NISCH: variants seen among roughly 807,000 people sequenced by gnomAD.
NISCH encodes I-1 receptor candidate protein.
Under a neutral mutation model 138.4 loss-of-function variants are expected in NISCH, and 55 were observed. The ratio of observed to expected loss-of-function variants is 0.40; its 90% CI spans 0.32 to 0.50. The LOEUF (loss-of-function observed/expected upper bound fraction) is 0.50, where lower values mean the gene tolerates loss of function less well. Among genes scored for constraint, NISCH ranks in the 20% least tolerant of loss-of-function variants. The pLI is 0.71. For synonymous variants in NISCH, 860 were observed against 861.5 expected (o/e 1.00, Z 0.03); for missense variants, 1,643 against 2,005.5 (o/e 0.82, Z 3.45).
intron 6 of NISCH, 88 bp from the exon 7 acceptor site, chr3:52,473,646 T>G: frequency 1.1e-6 from 1 of 878,246 alleles, no homozygotes; most frequent in Non-Finnish European, 1.8e-6. Flanking sequence ...TCATTGTGCT[T>G]TTGTATGGGG....
chr3:52,456,482 T>C (rs1364480440), intron 1 of NISCH, among the ~76,000 whole-genome samples: 1 of 150,666 alleles, frequency 6.6e-6, no homozygotes, highest in Admixed American at 6.6e-5. Flanking sequence ...TTCCCGACTT[T>C]GACGGGGTTG....
rs745759164 is a variant in NISCH, at chr3:52,479,854, GAGA to G, written c.1414_1416del (p.Lys472del). On this transcript the variant is annotated inframe_deletion, in exon 12 of 21. Transcript: ENST00000345716. ...GGTCAAGTCCAAACTGAGCAACCCA[GAGA>G]AGAAGGTGGGTTTGTGTGGCAGGTG... is the stretch of plus-strand genomic sequence containing the variant. The G allele has an allele frequency of 2.2e-5, 36 of 1,612,340 alleles. No individual in the cohort carries two copies. The highest frequency in any genetic ancestry group is 3.0e-5 in the Non-Finnish European group (35 of 1,178,920).
intron 15 of NISCH, 78 bp downstream of exon 15, chr3:52,485,905 C>A (rs1707390850): frequency 1.3e-5 from 18 of 1,426,602 alleles, no homozygotes; most frequent in Non-Finnish European, 1.7e-5. Context: ...CCAGGGGTGG[C>A]CAGTCAGGTT....
In NISCH at chr3:52,489,390, G is replaced by A. The variant is rs1160692524; in HGVS notation, c.3168G>A (p.Ala1056=). The change falls in exon 17 of 21, where the codon GCG becomes GCA. Residue 1056 remains alanine (A), a synonymous_variant. Transcript: ENST00000345716. ...CAGAGGCTCTGGCCCCGGCCCCAGCGGAAGTCCCAGCTCCAGCCCCTGCAG... is the reference window on the plus strand; with the variant it reads ...CAGAGGCTCTGGCCCCGGCCCCAGCAGAAGTCCCAGCTCCAGCCCCTGCAG... ...VPAEALAPAP[A]EVPAPAPAAA... is the part of the protein sequence containing the mutation. 9 of 1,610,608 alleles carry A rather than the reference G, an allele frequency of 5.6e-6. No homozygotes were observed. Among genetic ancestry groups the A allele is most frequent in the East Asian group, 2.2e-5 (1 of 44,864 alleles).
chr3:52,479,887 G>A (rs1354015224), intron 12 of NISCH, 25 bp downstream of exon 12: 3 of 1,571,480 alleles, frequency 1.9e-6, no homozygotes, highest in African/African-American at 2.7e-5. Context: ...CAGGTGGGAG[G>A]GCAGTGGTGC....
At chr3:52,462,661 G>A (rs1706668137) in intron 3 of NISCH, among the ~76,000 whole-genome samples, 1 of 152,260 alleles carries the variant, frequency 6.6e-6, no homozygotes, top group Non-Finnish European at 1.5e-5. Context: ...TTGAGACGGA[G>A]TTTCGTTCTT....
At chr3:52,467,399 G>A (rs538647711) in intron 3 of NISCH, among the ~76,000 whole-genome samples, 9 of 152,236 alleles carry the variant, frequency 5.9e-5, no homozygotes, top group African/African-American at 1.2e-4. Context: ...ATGTGGGCTC[G>A]GGCCACTCAC....
At chr3:52,476,236 TTC>T in intron 7 of NISCH, 1 of 580,502 alleles carries the variant, frequency 1.7e-6, no homozygotes, top group Non-Finnish European at 3.1e-6. Flanking sequence ...CAGGACTTAA[TTC>T]TAAGTGGCTG....
intron 3 of NISCH, among the ~76,000 whole-genome samples, chr3:52,466,513 C>T (rs1179308739): frequency 2.0e-5 from 3 of 150,428 alleles, no homozygotes; most frequent in Admixed American, 6.7e-5. Context: ...TGTAGTGAGC[C>T]GAGATCGCGC....
At chr3:52,481,187 AAC>A (rs1465410995) in intron 13 of NISCH, 33 of 1,182,752 alleles carry the variant, frequency 2.8e-5, no homozygotes, top group African/African-American at 3.2e-5. Context: ...CCACTGCCAA[AAC>A]ACGGGCTGCA....
intron 15 of NISCH, among the ~76,000 whole-genome samples, chr3:52,486,163 G>A (rs1255261658): frequency 6.6e-6 from 1 of 152,182 alleles, no homozygotes; most frequent in African/African-American, 2.4e-5. Flanking sequence ...AGGCTGGAGT[G>A]CAGTGGCGTG....
intron 16 of NISCH, 39 bp downstream of exon 16, chr3:52,488,644 G>A (rs776349559): frequency 1.1e-5 from 17 of 1,488,212 alleles, no homozygotes; most frequent in East Asian, 7.1e-5. Flanking sequence ...CCGGGGGCAT[G>A]GGTCTGGCAT....
chr3:52,471,588 T>TCACAGCCC, intron 4 of NISCH: 1 of 579,598 alleles, frequency 1.7e-6, no homozygotes, highest in Admixed American at 3.2e-5. Context: ...CTCCCCAGCC[T>TCACAGCCC]CACAGCCCCA....
At chr3:52,470,791 C>T (rs1186475385) in intron 3 of NISCH, 68 bp from the exon 4 acceptor site, 20 of 1,281,966 alleles carry the variant, frequency 1.6e-5, no homozygotes, top group Admixed American at 3.4e-5. Flanking sequence ...GGATAGATAG[C>T]GGGGAATGTG....
At chr3:52,484,928 G>A (rs1222884281) in intron 14 of NISCH, among the ~76,000 whole-genome samples, 1 of 152,114 alleles carries the variant, frequency 6.6e-6, no homozygotes, top group Non-Finnish European at 1.5e-5. Context: ...CACGAGGGGG[G>A]CAGGTGGAGA....
chr3:52,490,155 C>T lies in NISCH; in HGVS notation c.3537C>T (p.Cys1179=), dbSNP rs775729057. ...CCCCAGGGCTGGAGGTGACTGCCTGCGTGCTGCTCTCCACCAAGGCTGTGT... is the reference window on the plus strand; with the variant it reads ...CCCCAGGGCTGGAGGTGACTGCCTGTGTGCTGCTCTCCACCAAGGCTGTGT... ...YQTPGLEVTA[C]VLLSTKAVYF... Residue 1179 remains cysteine (C), a synonymous_variant, in exon 18 of 21, where the codon TGC becomes TGT. Transcript: ENST00000345716. 37 of 1,613,426 alleles carry T rather than the reference C, an allele frequency of 2.3e-5. No individual in the cohort carries two copies. The highest frequency in any genetic ancestry group is 1.1e-4 in the East Asian group (5 of 44,894).
At chr3:52,474,553 C>T (rs1288882580) in intron 7 of NISCH, among the ~76,000 whole-genome samples, 3 of 152,180 alleles carry the variant, frequency 2.0e-5, no homozygotes, top group Non-Finnish European at 4.4e-5. Context: ...GCCTCGGCCT[C>T]CCAAAGTGCT....
Position 52,455,641 on chromosome 3 carries a change from C to T in NISCH, c.-1C>T, listed in dbSNP as rs766433197. The T allele has an allele frequency of 7.5e-6, 10 of 1,337,236 alleles. No homozygotes were observed. In the East Asian group the frequency reaches 1.1e-4, roughly 15 times the overall value. 82.8% of individuals were successfully genotyped at this position (1,337,236 alleles called of 1,614,324 possible). On this transcript the variant is annotated 5_prime_UTR_variant, in exon 1 of 21. Transcript: ENST00000345716. ...GCGGCGGTGGCGGCGGAGACCCGAA[C>T]ATGGCGACCGCGCGCACCTTCGGGC...
Position 52,485,767 on chromosome 3 carries a change from T to G in NISCH, c.1654-11T>G. 1 of 1,574,616 alleles carries G rather than the reference T, an allele frequency of 6.4e-7. No individual in the cohort carries two copies. The highest frequency in any genetic ancestry group is 1.2e-5 in the South Asian group (1 of 86,046). ...GTAGGTGGGGACTGACTGTGTTTCT[T>G]TCTCCATCAGGCAGCTTCCGATGAT... is the stretch of plus-strand genomic sequence containing the variant. On this transcript the variant is annotated splice_polypyrimidine_tract_variant and intron_variant, in intron 14 of 20. Coordinates refer to ENST00000345716, the MANE Select transcript of NISCH (RefSeq NM_007184.4).
Sources: gnomAD v4.1 joint callset for allele counts (sites outside exome capture counted in the v4.1 genomes callset) on GRCh38, gnomAD v4.1.1 for gene constraint, MANE v1.5 for transcripts, NCBI Gene and HGNC (gene_info 2026-07-23, HGNC 2026-07-21) for gene names.